The following CEP89 variants were observed in gnomAD, a reference collection of about 807,000 sequenced individuals.
The protein encoded by CEP89 is centrosomal protein 89.
Under a neutral mutation model 97.6 loss-of-function variants are expected in CEP89, and 95 were observed. The ratio of observed to expected loss-of-function variants is 0.97; its 90% CI spans 0.82 to 1.15. The LOEUF is 1.15. CEP89 is among the 50% of genes most tolerant of loss of function. The pLI, the probability that CEP89 is intolerant of heterozygous loss-of-function variation, is 0.00. For synonymous variants in CEP89, 354 were observed against 349.1 expected, an observed-to-expected ratio of 1.01 and a Z score of -0.16; for missense variants, 869 against 947.7, an observed-to-expected ratio of 0.92 and a Z score of 1.09.
intron 5 of CEP89, among the ~76,000 whole-genome samples, chr19:32,940,145 C>T (rs1004493362): frequency 6.6e-6 from 1 of 152,174 alleles, no homozygotes; most frequent in Admixed American, 6.5e-5. Context: ...CCAAACTCTT[C>T]AGTGTCTCCA....
At chr19:32,915,584 T>A in intron 13 of CEP89, 67 bp from the exon 14 acceptor site, 1 of 1,353,422 alleles carries the variant, frequency 7.4e-7, no homozygotes, top group Non-Finnish European at 1.0e-6. Context: ...TTATGGGCTA[T>A]TAGGAAATAC....
At chr19:32,945,341 T>C (rs1481114293) in intron 5 of CEP89, among the ~76,000 whole-genome samples, 7 of 147,390 alleles carry the variant, frequency 4.7e-5, no homozygotes, top group African/African-American at 1.8e-4. Context: ...AGCCACTAAA[T>C]TACAGTTTGG....
intron 16 of CEP89, among the ~76,000 whole-genome samples, chr19:32,888,547 G>A (rs1969446773): frequency 6.6e-6 from 1 of 151,950 alleles, no homozygotes; most frequent in Non-Finnish European, 1.5e-5. Context: ...GCCAGGCTTG[G>A]TGGTGTGCAC....
At chr19:32,938,262 C>CG (rs1484552272) in intron 6 of CEP89, among the ~76,000 whole-genome samples, 3 of 152,082 alleles carry the variant, frequency 2.0e-5, no homozygotes, top group Non-Finnish European at 4.4e-5. Flanking sequence ...CCGTGAGTAG[C>CG]GGGCTGTGGG....
chr19:32,952,319 G>GAAAAA (rs11428227), intron 4 of CEP89, among the ~76,000 whole-genome samples: 5 of 131,458 alleles, frequency 3.8e-5, no homozygotes, highest in Non-Finnish European at 8.0e-5. Context: ...TGGCCCTATA[G>GAAAAA]AAAAAAAAAA....
chr19:32,925,284 A>C (rs925163574), intron 11 of CEP89, among the ~76,000 whole-genome samples: 1 of 152,106 alleles, frequency 6.6e-6, no homozygotes, highest in African/African-American at 2.4e-5. Context: ...GGCCTCCTGA[A>C]GTTAGAACGA....
In CEP89 at chr19:32,918,236, G is replaced by A. The variant is rs141289026; in HGVS notation, c.1372C>T (p.Arg458Cys). 4.8e-5 allele frequency: 77 copies of A among 1,613,382 alleles called. No homozygotes were observed. In the African/African-American group the frequency reaches 8.1e-4, roughly 17 times the overall value. ...QRKAKDSHQE[R>C]LQEVSKLTKQ... ...GGAAGGACCTCACCTTCTTGGAGGC[G>A]CTCCTGGTGGCTGTCCTTGGCTTTC... Residue 458 changes from arginine (R) to cysteine (C), a missense_variant, in exon 13 of 19, where the codon CGC becomes TGC. Transcript: ENST00000305768.
In CEP89 at chr19:32,882,033, T is replaced by G. The variant is rs551388992; in HGVS notation, c.1966-20A>C. On this transcript the variant is annotated intron_variant, in intron 17 of 18. Transcript: ENST00000305768. ...GTAGCCCTGGTCGGGGGAAGGACTC[T>G]GTGAATGAGGGGACGCTGCCAGGCC... The G allele has an allele frequency of 8.4e-6, 13 of 1,551,276 alleles. No individual in the cohort carries two copies. In the East Asian group the frequency reaches 3.1e-4, roughly 37 times the overall value.
intron 17 of CEP89, among the ~76,000 whole-genome samples, chr19:32,884,056 C>T (rs1019462158): frequency 1.3e-5 from 2 of 151,986 alleles, no homozygotes; most frequent in African/African-American, 4.8e-5. Flanking sequence ...GATCATTCTG[C>T]ACTACAGCCT....
intron 4 of CEP89, among the ~76,000 whole-genome samples, chr19:32,951,179 AT>A (rs1321940022): frequency 6.6e-6 from 1 of 152,206 alleles, no homozygotes; most frequent in Non-Finnish European, 1.5e-5. Flanking sequence ...TTCATAAAGA[AT>A]TTGTGATACT....
At chr19:32,925,922 G>C (rs1265937213) in intron 11 of CEP89, among the ~76,000 whole-genome samples, 1 of 152,006 alleles carries the variant, frequency 6.6e-6, no homozygotes, top group Non-Finnish European at 1.5e-5. Flanking sequence ...GGCTTCTCAT[G>C]CAGCACTGCT....
intron 14 of CEP89, 103 bp from the exon 15 acceptor site, chr19:32,901,515 C>A: frequency 8.2e-7 from 1 of 1,225,988 alleles, no homozygotes; most frequent in Non-Finnish European, 1.2e-6. Flanking sequence ...GCCCTCCAGC[C>A]CCTGGGTGGG....
At chr19:32,929,374 G>C (rs537498324) in intron 9 of CEP89, among the ~76,000 whole-genome samples, 1 of 152,124 alleles carries the variant, frequency 6.6e-6, no homozygotes, top group African/African-American at 2.4e-5. Flanking sequence ...GGCTGAGGAG[G>C]GTGGATCATT....
intron 1 of CEP89, among the ~76,000 whole-genome samples, chr19:32,966,771 C>G (rs1030010499): frequency 6.6e-6 from 1 of 152,202 alleles, no homozygotes; most frequent in East Asian, 1.9e-4. Context: ...GCACTCCCCC[C>G]AGTGATGTCT....
chr19:32,962,385 C>T (rs1555795955), intron 2 of CEP89, among the ~76,000 whole-genome samples: 1 of 152,200 alleles, frequency 6.6e-6, no homozygotes, highest in African/African-American at 2.4e-5. Context: ...ATCTCCTTTG[C>T]TTATAAATTA....
intron 8 of CEP89, among the ~76,000 whole-genome samples, chr19:32,932,138 G>A (rs1160652586): frequency 2.0e-5 from 3 of 150,056 alleles, no homozygotes; most frequent in East Asian, 3.9e-4. Flanking sequence ...CCGAAATCAC[G>A]CCACTGCACT....
At chr19:32,901,222 T>C in intron 15 of CEP89, 23 bp downstream of exon 15, 10 of 1,605,150 alleles carry the variant, frequency 6.2e-6, no homozygotes, top group Non-Finnish European at 8.5e-6. Context: ...TAAAAGCAAC[T>C]TAAAGGAAAA....
At chr19:32,922,138 T>C (rs1367469961) in intron 12 of CEP89, among the ~76,000 whole-genome samples, 2 of 152,114 alleles carry the variant, frequency 1.3e-5, no homozygotes, top group Non-Finnish European at 2.9e-5. Flanking sequence ...TTCCTGCCCC[T>C]GAGGAGTTCA....
chr19:32,966,246 C>G, intron 2 of CEP89, 114 bp downstream of exon 2: 1 of 458,990 alleles, frequency 2.2e-6, no homozygotes, highest in Non-Finnish European at 3.9e-6. Context: ...TTTTGAAGGA[C>G]ATGATTCTAA....
Sources: allele counts gnomAD v4.1 joint callset (sites outside exome capture counted in the v4.1 genomes callset), GRCh38; gene constraint gnomAD v4.1.1; transcripts MANE v1.5; gene names NCBI Gene and HGNC (gene_info 2026-07-23, HGNC 2026-07-21).